NPC1: variants seen among roughly 807,000 people sequenced by gnomAD.
The protein encoded by NPC1 is NPC intracellular cholesterol transporter 1.
In NPC1, 85 loss-of-function variants were observed where a neutral mutation model predicts 140.4. That is an observed-to-expected ratio of 0.61 (90% confidence interval 0.51 to 0.72). The LOEUF (loss-of-function observed/expected upper bound fraction) is 0.72. Among genes scored for constraint, NPC1 ranks in the 30% least tolerant of loss-of-function variants. The probability of loss-of-function intolerance (pLI) is 0.00; values close to 1 mark genes in which losing one functional copy is unlikely to be tolerated. For missense variants in NPC1, 1,504 were observed against 1,623.8 expected, an observed-to-expected ratio of 0.93 and a Z score of 1.27; for synonymous variants, 656 against 624.8, an observed-to-expected ratio of 1.05 and a Z score of -0.74.
chr18:23,511,053 A>G (rs867382509), intron 3 of NPC1, among the ~76,000 whole-genome samples: 3 of 152,248 alleles, frequency 2.0e-5, no homozygotes, highest in African/African-American at 7.2e-5. Flanking sequence ...ACTGTTCACA[A>G]TGGCAAAGAC....
downstream of NPC1, chr18:23,527,757 G>C (rs780465947): frequency 1.3e-6 from 2 of 1,522,994 alleles, no homozygotes; most frequent in Admixed American, 3.3e-5. Flanking sequence ...CTGACATGAA[G>C]TTGGTTTGAT....
intron 10 of NPC1, among the ~76,000 whole-genome samples, chr18:23,549,826 C>G (rs1248808431): frequency 6.6e-6 from 1 of 150,894 alleles, no homozygotes; most frequent in African/African-American, 2.5e-5. Flanking sequence ...ACTGCAAACT[C>G]CACCTCCAGG....
chr18:23,536,341 TG>T (rs1483091021), intron 21 of NPC1, among the ~76,000 whole-genome samples: 2 of 152,238 alleles, frequency 1.3e-5, no homozygotes, highest in Non-Finnish European at 2.9e-5. Context: ...GGTTCATTGT[TG>T]GCCAAGAATG....
chr18:23,568,794 A>G (rs1328073401), intron 4 of NPC1, 29 bp downstream of exon 4: 3 of 1,585,516 alleles, frequency 1.9e-6, no homozygotes, highest in Admixed American at 3.3e-5. Context: ...TGCCAGCTGT[A>G]AAAGAGGAAT....
chr18:23,562,823 CAAAAAAT>C (rs1195118489), intron 4 of NPC1, among the ~76,000 whole-genome samples: 1 of 151,346 alleles, frequency 6.6e-6, no homozygotes, highest in Non-Finnish European at 1.5e-5. Context: ...CCCGTCTCTA[CAAAAAAT>C]AAAAAAATAA....
chr18:23,536,309 A>G (rs2058629895), intron 21 of NPC1, among the ~76,000 whole-genome samples: 2 of 152,216 alleles, frequency 1.3e-5, no homozygotes, highest in African/African-American at 4.8e-5. Flanking sequence ...AGCATCCCAA[A>G]TAACCAGCAG....
Position 23,568,907 on chromosome 18 carries a change from C to T in NPC1, c.379G>A (p.Glu127Lys). 1.2e-6 allele frequency: 2 copies of T among 1,613,738 alleles called. No homozygotes were observed. Among genetic ancestry groups the T allele is most frequent in the Non-Finnish European group, 1.7e-6 (2 of 1,179,630 alleles). ...TTTGTAACAGGATCAACATAATCTT[C>T]AGTAGCTGTAACATTCAAAAACTGA... ...QSQFLNVTATEDYVDPVTNQT... is the reference protein window; with the variant it reads ...QSQFLNVTATKDYVDPVTNQT... The change falls in exon 4 of 25, where the codon GAA (glutamate) becomes AAA (lysine). Residue 127 changes from glutamate (E) to lysine (K), a missense_variant. Transcript: ENST00000269228.
chr18:23,552,357 G>A, intron 9 of NPC1, among the ~76,000 whole-genome samples: 1 of 152,210 alleles, frequency 6.6e-6, no homozygotes, highest in East Asian at 1.9e-4. Flanking sequence ...GCCCACCAAG[G>A]GGGCTCCTGA....
chr18:23,543,366 C>G, intron 14 of NPC1, 89 bp downstream of exon 14: 2 of 693,672 alleles, frequency 2.9e-6, no homozygotes, highest in South Asian at 1.7e-5. Flanking sequence ...AAAAAGGAAG[C>G]AACACAAAGG....
At chr18:23,533,622 C>T (rs2058576636) in intron 23 of NPC1, 105 bp from the exon 24 acceptor site, 2 of 1,147,608 alleles carry the variant, frequency 1.7e-6, no homozygotes, top group Non-Finnish European at 2.6e-6. Context: ...TTCTCCTGCC[C>T]CAGCCTCCTG....
At chr18:23,577,948 C>G (rs1437198393) in intron 1 of NPC1, among the ~76,000 whole-genome samples, 1 of 152,250 alleles carries the variant, frequency 6.6e-6, no homozygotes, top group African/African-American at 2.4e-5. Flanking sequence ...CAAGCCCACG[C>G]CCACCCGGAA....
intron 22 of NPC1, 139 bp downstream of exon 22, chr18:23,535,330 T>C: frequency 1.4e-6 from 1 of 725,198 alleles, no homozygotes; most frequent in East Asian, 2.7e-5. Flanking sequence ...GCACTCATCC[T>C]GCCTCTCCAT....
intron 9 of NPC1, among the ~76,000 whole-genome samples, chr18:23,551,976 A>T (rs1163151788): frequency 2.0e-5 from 3 of 152,336 alleles, no homozygotes; most frequent in South Asian, 2.1e-4. Context: ...GCAGGCACAG[A>T]GGAGGGAGCA....
intron 10 of NPC1, among the ~76,000 whole-genome samples, chr18:23,548,356 T>TTA (rs57304245): frequency 1.3e-5 from 2 of 150,490 alleles, no homozygotes; most frequent in Admixed American, 6.6e-5. Flanking sequence ...TTTTTTTTTT[T>TTA]AAAGGATACA....
At chr18:23,525,353 TC>T (rs1191933185), downstream of NPC1, among the ~76,000 whole-genome samples, 1 of 152,144 alleles carries the variant, frequency 6.6e-6, no homozygotes, top group Non-Finnish European at 1.5e-5. Context: ...GCTCAGGCGA[TC>T]CTCCTGCTTC....
chr18:23,529,136 T>C, downstream of NPC1: 1 of 1,595,450 alleles, frequency 6.3e-7, no homozygotes, highest in Non-Finnish European at 8.5e-7. Context: ...GCACCCTTCC[T>C]CTAAGATGCC....
intron 4 of NPC1, among the ~76,000 whole-genome samples, chr18:23,566,111 A>T (rs2059119484): frequency 6.6e-6 from 1 of 152,208 alleles, no homozygotes; most frequent in African/African-American, 2.4e-5. Flanking sequence ...CATTAAAAAA[A>T]TAATGGACTC....
chr18:23,549,656 AC>A (rs548331740), intron 10 of NPC1, among the ~76,000 whole-genome samples: 105 of 144,338 alleles, frequency 7.3e-4, no homozygotes, highest in African/African-American at 2.5e-3. Context: ...TAAAATAAAA[AC>A]CTTTTTTTTT....
chr18:23,537,182 G>A (rs2058644670), intron 20 of NPC1, among the ~76,000 whole-genome samples: 1 of 152,062 alleles, frequency 6.6e-6, no homozygotes, highest in African/African-American at 2.4e-5. Flanking sequence ...AATTCTCCCT[G>A]CCTCAGCCTC....
Sources: gnomAD v4.1 joint callset for allele counts (sites outside exome capture counted in the v4.1 genomes callset) on GRCh38, gnomAD v4.1.1 for gene constraint, MANE v1.5 for transcripts, NCBI Gene and HGNC (gene_info 2026-07-23, HGNC 2026-07-21) for gene names.